Variants in EHMT1 observed in about 807,000 individuals in gnomAD.
EHMT1 encodes the protein histone-lysine N-methyltransferase EHMT1.
EHMT1 carries 15 observed loss-of-function variants against 147.2 expected under a neutral mutation model. That is an observed-to-expected ratio of 0.10 (90% confidence interval 0.07 to 0.16). The LOEUF (loss-of-function observed/expected upper bound fraction) is 0.16, where lower values mean the gene tolerates loss of function less well. Among genes scored for constraint, EHMT1 ranks in the 10% least tolerant of loss-of-function variants. The probability of loss-of-function intolerance (pLI) is 1.00; values close to 1 mark genes in which losing one functional copy is unlikely to be tolerated. For synonymous variants in EHMT1, 795 were observed against 709.6 expected, an observed-to-expected ratio of 1.12 and a Z score of -1.91; for missense variants, 1,587 against 1,772.4, an observed-to-expected ratio of 0.90 and a Z score of 1.88.
At chr9:137,781,026 CCGAGACGTG>C in intron 14 of EHMT1, among the ~76,000 whole-genome samples, 4 of 146,236 alleles carry the variant, frequency 2.7e-5, no homozygotes, top group Admixed American at 6.7e-5. Flanking sequence ...GGTGATGACG[CCGAGACGTG>C]TGGTGATGAC....
At chr9:137,654,382 T>TC (rs1265227618) in intron 1 of EHMT1, among the ~76,000 whole-genome samples, 3 of 37,144 alleles carry the variant, frequency 8.1e-5, no homozygotes, top group African/African-American at 1.1e-4. Flanking sequence ...CCTTACCACC[T>TC]CCCCCCCACC....
intron 1 of EHMT1, among the ~76,000 whole-genome samples, chr9:137,698,948 AAGTC>A (rs1363942416): frequency 6.6e-6 from 1 of 151,910 alleles, no homozygotes; most frequent in African/African-American, 2.4e-5. Flanking sequence ...AAAAAAAAAA[AAGTC>A]AGTAGTTTGG....
intron 3 of EHMT1, among the ~76,000 whole-genome samples, chr9:137,718,743 T>C (rs925848205): frequency 4.2e-5 from 6 of 142,946 alleles, no homozygotes; most frequent in African/African-American, 1.6e-4. Flanking sequence ...GTTCTCTCTC[T>C]TTTTCTTTTT....
intron 1 of EHMT1, among the ~76,000 whole-genome samples, chr9:137,645,669 C>T (rs1439556007): frequency 6.6e-6 from 1 of 152,132 alleles, no homozygotes; most frequent in Non-Finnish European, 1.5e-5. Context: ...GTCTTTTTCA[C>T]TCGATTCCAA....
At chr9:137,669,730 T>A (rs527488655) in intron 1 of EHMT1, among the ~76,000 whole-genome samples, 108 of 152,238 alleles carry the variant, frequency 7.1e-4, no homozygotes, top group African/African-American at 2.5e-3. Context: ...TTTCTCTTTT[T>A]TTAAAAAAAA....
At chr9:137,810,285 C>CCTCGTGGACCG (rs1954351503) in intron 18 of EHMT1, among the ~76,000 whole-genome samples, 1 of 152,006 alleles carries the variant, frequency 6.6e-6, no homozygotes, top group African/African-American at 2.4e-5. Flanking sequence ...CGATGCCGCC[C>CCTCGTGGACCG]TGCGTGAAAG....
At chr9:137,783,997 G>A (rs1288883839) in intron 15 of EHMT1, 2 of 542,588 alleles carry the variant, frequency 3.7e-6, no homozygotes, top group Non-Finnish European at 6.6e-6. Flanking sequence ...TATACCTAAT[G>A]TCTTATATTG....
intron 1 of EHMT1, among the ~76,000 whole-genome samples, chr9:137,675,802 T>TTTTTTTTTTTTTTTTTTG (rs35541714): frequency 1.1e-4 from 11 of 104,732 alleles, no homozygotes; most frequent in African/African-American, 3.8e-4. Flanking sequence ...TTTTTTTTTT[T>TTTTTTTTTTTTTTTTTTG]AGACGGAGTC....
At chr9:137,743,281 T>C in intron 4 of EHMT1, 90 bp from the exon 5 acceptor site, 1 of 1,500,216 alleles carries the variant, frequency 6.7e-7, no homozygotes, top group Non-Finnish European at 8.9e-7. Flanking sequence ...GGTGATCAAG[T>C]TTTGTAAACT....
intron 2 of EHMT1, among the ~76,000 whole-genome samples, chr9:137,712,486 GTGGGAAGTGGCATC>G (rs938619621): frequency 3.3e-5 from 5 of 152,290 alleles, no homozygotes; most frequent in African/African-American, 1.2e-4. Flanking sequence ...GTCCTGGCGG[GTGGGAAGTGGCATC>G]TCATTGTGGT....
At chr9:137,710,813 G>A (rs1432884430) in intron 1 of EHMT1, among the ~76,000 whole-genome samples, 154 bp from the exon 2 acceptor site, 2 of 152,146 alleles carry the variant, frequency 1.3e-5, no homozygotes, top group South Asian at 4.1e-4. Flanking sequence ...TCTGCTGGAG[G>A]CGACTGTAAC....
intron 1 of EHMT1, among the ~76,000 whole-genome samples, chr9:137,651,189 T>C (rs1023388608): frequency 2.0e-5 from 3 of 152,226 alleles, no homozygotes; most frequent in African/African-American, 7.2e-5. Context: ...TAAATATTTT[T>C]TCCCATTTTG....
At chr9:137,625,627 C>T (rs1003087090) in intron 1 of EHMT1, among the ~76,000 whole-genome samples, 1 of 152,036 alleles carries the variant, frequency 6.6e-6, no homozygotes, top group Non-Finnish European at 1.5e-5. Context: ...TGTGAGCCAC[C>T]GTGTGTGGCC....
At chr9:137,779,357 C>G (rs1028717870) in intron 13 of EHMT1, among the ~76,000 whole-genome samples, 1 of 152,230 alleles carries the variant, frequency 6.6e-6, no homozygotes, top group Non-Finnish European at 1.5e-5. Flanking sequence ...TGTGTAAAAG[C>G]CTCACAGTGC....
chr9:137,643,337 G>GTTTTT, intron 1 of EHMT1, among the ~76,000 whole-genome samples: 1 of 111,870 alleles, frequency 8.9e-6, no homozygotes, highest in Non-Finnish European at 1.8e-5. Context: ...GTGTATAAAG[G>GTTTTT]TTTTTTTTTT....
At chr9:137,653,715 A>G (rs1276789925) in intron 1 of EHMT1, among the ~76,000 whole-genome samples, 1 of 151,974 alleles carries the variant, frequency 6.6e-6, no homozygotes, top group Admixed American at 6.6e-5. Flanking sequence ...TTTAGTAGAG[A>G]TGGGGTTACT....
At chr9:137,747,442 G>A (rs1192505082) in intron 6 of EHMT1, 2 of 152,196 alleles carry the variant, frequency 1.3e-5, no homozygotes, top group African/African-American at 2.4e-5. Context: ...ACAGGCGTGA[G>A]CCACTGCGCC....
rs772286220 is a variant in EHMT1 at position 137,782,516 on chromosome 9, G to A, written c.2382+119G>A. ...TAAGAGTTCCGTAGTGCTGTGAATCGGGCACAGAGTCAGCTTTTCTGCCCC... is the reference window on the plus strand; with the variant it reads ...TAAGAGTTCCGTAGTGCTGTGAATCAGGCACAGAGTCAGCTTTTCTGCCCC... On this transcript the variant is annotated intron_variant, in intron 15 of 26. Coordinates refer to ENST00000460843, the MANE Select transcript of EHMT1 (RefSeq NM_024757.5). This position sits in a 1 kb window ranked among gnomAD's most constrained non-coding sequence, Gnocchi z 5.7. 2.8e-4 allele frequency: 268 copies of A among 958,482 alleles called. 1 individual carries two copies. The highest frequency in any genetic ancestry group is 1.3e-3 in the South Asian group (92 of 71,630). 59.4% of individuals were successfully genotyped at this position (958,482 alleles called of 1,614,324 possible).
chr9:137,666,560 G>T (rs1020771391), intron 1 of EHMT1, among the ~76,000 whole-genome samples: 1 of 152,236 alleles, frequency 6.6e-6, no homozygotes, highest in East Asian at 1.9e-4. Context: ...AGGGCTGGCC[G>T]TGCCACGGTG....
Sources: allele counts gnomAD v4.1 joint callset (sites outside exome capture counted in the v4.1 genomes callset), GRCh38; gene constraint gnomAD v4.1.1; non-coding constraint Gnocchi (gnomAD v3.1); transcripts MANE v1.5; gene names NCBI Gene and HGNC (gene_info 2026-07-23, HGNC 2026-07-21).